FH: variants seen among roughly 807,000 people sequenced by gnomAD.
The protein encoded by FH is fumarate hydratase, mitochondrial.
Under a neutral mutation model 49.4 loss-of-function variants are expected in FH, and 22 were observed. That is an observed-to-expected ratio of 0.45 (90% confidence interval 0.32 to 0.64). FH has a LOEUF of 0.64. Among genes scored for constraint, FH ranks in the 30% least tolerant of loss-of-function variants. The probability of loss-of-function intolerance (pLI) is 0.05; values close to 1 mark genes in which losing one functional copy is unlikely to be tolerated. For missense variants in FH, 526 were observed against 641.5 expected, an observed-to-expected ratio of 0.82 and a Z score of 1.95; for synonymous variants, 208 against 223.0, an observed-to-expected ratio of 0.93 and a Z score of 0.60.
At position 241,497,649 on chromosome 1, in the gene FH, A is replaced by G. The variant is rs1315468744; in HGVS notation, c.*179T>C. The stretch of plus-strand genomic sequence containing the variant: ...ATTTTATAAATGTATTTTATTTTAT[A>G]CTTGTTTAATCCATCTTAGACCTAG... On this transcript the variant is annotated 3_prime_UTR_variant, in exon 10 of 10. Coordinates refer to ENST00000366560, the MANE Select transcript of FH (RefSeq NM_000143.4). The G allele has an allele frequency of 1.9e-6, 1 of 530,928 alleles. No individual in the cohort carries two copies. 32.9% of individuals were successfully genotyped at this position (530,928 alleles called of 1,614,324 possible).
rs139786415 is a variant in FH, at chr1:241,519,108, G to C, written c.132+483C>G. 7.6e-3 allele frequency: 1,222 copies of C among 160,088 alleles called. 18 individuals are homozygous for C. Among genetic ancestry groups the C allele is most frequent in the African/African-American group, 0.027 (1,132 of 41,682 alleles). 9.9% of individuals were successfully genotyped at this position (160,088 alleles called of 1,614,324 possible). A position where few individuals can be genotyped will look rare whatever the true frequency, so the allele number is the denominator to read the frequency against. On this transcript the variant is annotated intron_variant, in intron 1 of 9. Coordinates refer to ENST00000366560, the MANE Select transcript of FH (RefSeq NM_000143.4). Reference sequence around the variant, plus strand: ...GTGCCCCTTGGCGAAACAAACCACAGTTCAGAAACCACTAGATGCACAGGC... The same window carrying C: ...GTGCCCCTTGGCGAAACAAACCACACTTCAGAAACCACTAGATGCACAGGC...
rs773309062 is a variant in FH, at chr1:241,517,257, A to C, written c.192T>G (p.Asn64Lys). The C allele has an allele frequency of 6.2e-7, 1 of 1,614,158 alleles. No individual in the cohort carries two copies. The highest frequency in any genetic ancestry group is 8.5e-7 in the Non-Finnish European group (1 of 1,180,028). Residue 64 changes from asparagine to lysine, a missense_variant, in exon 2 of 10, where the codon AAT becomes AAG. Physicochemically the swap from Asn to Lys is moderately conservative, Grantham distance 94. This residue lies in a region of FH where 143 missense variants were observed against 127.5 expected (regional missense o/e 1.12). Transcript: ENST00000366560. ...YDTFGELKVP[N>K]DKYYGAQTVR... ...CGGTCTGGGCGCCATAATACTTATC[A>C]TTTGGCACCTTTAGTTCACCAAAGG...
rs1307815197 is a variant in FH, at chr1:241,512,040, G to A, written c.482C>T (p.Ala161Val). 6.2e-7 allele frequency: 1 copy of A among 1,613,848 alleles called. No homozygotes were observed. Among genetic ancestry groups the A allele is most frequent in the Admixed American group, 1.7e-5 (1 of 60,006 alleles). Residue 161 changes from alanine to valine, a missense_variant, in exon 4 of 10, where the codon GCA becomes GTA. Transcript: ENST00000366560. ...AAGTTCACCTCCTAACATTTCAATT[G>A]CTCTATTGCTAATGACTTCATTTAC... is the stretch of plus-strand genomic sequence containing the variant. ...MNVNEVISNR[A>V]IEMLGGELGS...
intron 1 of FH, among the ~76,000 whole-genome samples, chr1:241,518,778 T>C (rs756239757): frequency 2.0e-5 from 3 of 152,236 alleles, no homozygotes; most frequent in Admixed American, 6.5e-5. Flanking sequence ...TAAAGCTTTT[T>C]AAAAGCCTGC....
chr1:241,508,929 A>AGGT, intron 4 of FH, 144 bp from the exon 5 acceptor site: 1 of 655,994 alleles, frequency 1.5e-6, no homozygotes, highest in Non-Finnish European at 2.6e-6. Context: ...GGCATGTCAT[A>AGGT]GGTGAGTTAT....
At chr1:241,519,345 T>C (rs1660304375) in intron 1 of FH, 1 of 481,440 alleles carries the variant, frequency 2.1e-6, no homozygotes, top group Non-Finnish European at 3.6e-6. Flanking sequence ...GCGGGCCCAG[T>C]AGGACCCTCT....
intron 2 of FH, among the ~76,000 whole-genome samples, chr1:241,515,448 A>T (rs1660190232): frequency 6.6e-6 from 1 of 152,056 alleles, no homozygotes; most frequent in East Asian, 1.9e-4. Flanking sequence ...TTATTTTAGG[A>T]TTGGTCACTA....
intron 6 of FH, 136 bp from the exon 7 acceptor site, chr1:241,504,381 C>T: frequency 1.2e-6 from 1 of 803,762 alleles, no homozygotes; most frequent in Non-Finnish European, 2.0e-6. Flanking sequence ...TTACTTAAGA[C>T]TCAAATTTTG....
chr1:241,519,636 A>T lies in FH; in HGVS notation c.87T>A (p.Gly29=), dbSNP rs1441650019. 6.5e-7 allele frequency: 1 copy of T among 1,547,646 alleles called. No individual in the cohort carries two copies. The highest frequency in any genetic ancestry group is 1.2e-5 in the South Asian group (1 of 83,898). The change falls in exon 1 of 10, where the codon GGT becomes GGA. Residue 29 remains glycine, a synonymous_variant. Coordinates refer to ENST00000366560, the MANE Select transcript of FH (RefSeq NM_000143.4). ...GCCAAAACGAGGGCACGGCCGCGCC[A>T]CCCAAGCCGGGAGCCGAAGCTAAGG... is the stretch of plus-strand genomic sequence containing the variant. ...AAALASAPGL[G]GAAVPSFWPP... is the part of the protein sequence containing the mutation.
intron 1 of FH, among the ~76,000 whole-genome samples, chr1:241,518,712 C>T (rs909162621): frequency 6.6e-6 from 1 of 152,218 alleles, no homozygotes; most frequent in Non-Finnish European, 1.5e-5. Flanking sequence ...CAGTGCAGAA[C>T]TGTAACTCTT....
chr1:241,501,820 A>T (rs1021485690), intron 8 of FH, among the ~76,000 whole-genome samples: 3 of 152,202 alleles, frequency 2.0e-5, no homozygotes, highest in Non-Finnish European at 4.4e-5. Context: ...CGATGCATCT[A>T]TCGATCTTCG....
rs538378237 is a variant in FH, at chr1:241,516,723, G to A, written c.267+459C>T. 2.6e-3 allele frequency among the ~76,000 whole-genome samples: 399 copies of A among 151,810 alleles called. 3 individuals are homozygous for A. The highest frequency in any genetic ancestry group is 9.1e-3 in the African/African-American group (378 of 41,414). ...GCTGGAGTGCAGTGGTGCGATCTCAGCTCACTGCAACCTCCGCCTCCCGGG... is the reference window on the plus strand; with the variant it reads ...GCTGGAGTGCAGTGGTGCGATCTCAACTCACTGCAACCTCCGCCTCCCGGG... On this transcript the variant is annotated intron_variant, in intron 2 of 9. Transcript: ENST00000366560.
chr1:241,512,191 G>A (rs1478100169), intron 3 of FH, 48 bp from the exon 4 acceptor site: 2 of 1,518,688 alleles, frequency 1.3e-6, no homozygotes, highest in South Asian at 2.3e-5. Flanking sequence ...AAATAATAAT[G>A]CTGATTATGC....
Position 241,502,432 on chromosome 1 carries a change from T to C in FH, c.1236+11A>G. 1 of 1,613,860 alleles carries C rather than the reference T, an allele frequency of 6.2e-7. No individual in the cohort carries two copies. The highest frequency in any genetic ancestry group is 1.1e-5 in the South Asian group (1 of 91,078). On this transcript the variant is annotated intron_variant, in intron 8 of 9. Transcript: ENST00000366560. Reference sequence around the variant, plus strand: ...GGTCAAAAAACATTAAAAATCAGATTTAAAGCTTACCATCATTGGCTTGAA... The same window carrying C: ...GGTCAAAAAACATTAAAAATCAGATCTAAAGCTTACCATCATTGGCTTGAA...
chr1:241,511,589 T>A (rs1389665474), intron 4 of FH, among the ~76,000 whole-genome samples: 1 of 151,868 alleles, frequency 6.6e-6, no homozygotes, highest in African/African-American at 2.4e-5. Context: ...TAGCTAAGAG[T>A]ACTGTATCTA....
At chr1:241,515,301 C>A (rs904899010) in intron 2 of FH, among the ~76,000 whole-genome samples, 1 of 152,128 alleles carries the variant, frequency 6.6e-6, no homozygotes, top group Non-Finnish European at 1.5e-5. Context: ...GGAGCAGCAG[C>A]AGCAGGAACC....
intron 5 of FH, among the ~76,000 whole-genome samples, chr1:241,507,527 T>C (rs1004029815): frequency 3.9e-5 from 6 of 152,086 alleles, no homozygotes; most frequent in African/African-American, 1.4e-4. Context: ...AAAGCAAGTA[T>C]AAATGCTTCT....
At chr1:241,515,666 T>C (rs1660194139) in intron 2 of FH, among the ~76,000 whole-genome samples, 1 of 152,222 alleles carries the variant, frequency 6.6e-6, no homozygotes, top group Admixed American at 6.5e-5. Context: ...TTAAACAATA[T>C]CTCACAGGAT....
intron 5 of FH, 29 bp from the exon 6 acceptor site, chr1:241,506,197 A>C (rs187128736): frequency 1.9e-6 from 3 of 1,545,632 alleles, no homozygotes; most frequent in East Asian, 2.3e-5. Context: ...TAAGGTAAGA[A>C]TAAGTAATTC....
Sources: allele counts gnomAD v4.1 joint callset (sites outside exome capture counted in the v4.1 genomes callset), GRCh38; gene constraint gnomAD v4.1.1; regional missense constraint gnomAD v4.1.1; transcripts MANE v1.5; gene names NCBI Gene and HGNC (gene_info 2026-07-23, HGNC 2026-07-21).